B3GALT1: variants seen among roughly 807,000 people sequenced by gnomAD.
The protein encoded by B3GALT1 is UDP-Gal:betaGlcNAc beta 1,3-galactosyltransferase, polypeptide 1.
A neutral mutation model predicts 23.2 loss-of-function variants in B3GALT1; 10 were observed. The ratio of observed to expected loss-of-function variants is 0.43; its 90% CI spans 0.27 to 0.73. The LOEUF (loss-of-function observed/expected upper bound fraction) is 0.73. B3GALT1 is among the 30% of genes least tolerant of loss of function. The probability of loss-of-function intolerance (pLI) is 0.21; values close to 1 mark genes in which losing one functional copy is unlikely to be tolerated. For missense variants in B3GALT1, 299 were observed against 405.4 expected, an observed-to-expected ratio of 0.74 and a Z score of 2.25; for synonymous variants, 156 against 141.5, an observed-to-expected ratio of 1.10 and a Z score of -0.73.
chr2:167,465,322 T>C (rs1699328015), intron 1 of B3GALT1, among the ~76,000 whole-genome samples: 1 of 152,208 alleles, frequency 6.6e-6, no homozygotes, highest in Non-Finnish European at 1.5e-5. Flanking sequence ...ATCAAACATA[T>C]TGTCTCAGTC....
At chr2:167,371,222 C>G (rs10930270) in intron 1 of B3GALT1, among the ~76,000 whole-genome samples, 121,957 of 151,842 alleles carry the variant, frequency 0.8, 50,917 homozygotes, top group East Asian at 0.92. Context: ...TCCCCAATGC[C>G]TTGTCGTACA....
intron 3 of B3GALT1, among the ~76,000 whole-genome samples, chr2:167,736,564 A>C (rs908881412): frequency 5.9e-5 from 9 of 152,130 alleles, no homozygotes; most frequent in African/African-American, 2.2e-4. Context: ...AGGTTGCAAA[A>C]ATTCAGCTAG....
At chr2:167,791,656 T>C (rs1463296609) in intron 3 of B3GALT1, among the ~76,000 whole-genome samples, 1 of 152,190 alleles carries the variant, frequency 6.6e-6, no homozygotes, top group African/African-American at 2.4e-5. Context: ...AATGAATCCA[T>C]TTTGTAAAAT....
chr2:167,755,939 C>T (rs1687808456), intron 3 of B3GALT1, among the ~76,000 whole-genome samples: 1 of 152,030 alleles, frequency 6.6e-6, no homozygotes, highest in African/African-American at 2.4e-5. Context: ...GGAGCCACTG[C>T]ACTCCAGCCT....
chr2:167,794,239 C>T (rs1026102085), intron 3 of B3GALT1, among the ~76,000 whole-genome samples: 5 of 152,158 alleles, frequency 3.3e-5, no homozygotes, highest in Non-Finnish European at 5.9e-5. Context: ...TATTTTTCAG[C>T]TTTATTATCA....
intron 2 of B3GALT1, among the ~76,000 whole-genome samples, chr2:167,536,159 G>A (rs1373481048): frequency 6.6e-5 from 10 of 151,994 alleles, no homozygotes; most frequent in African/African-American, 1.9e-4. Flanking sequence ...CACCTGCGTC[G>A]GCCTCCCAAA....
chr2:167,378,527 C>CT (rs891718171), intron 1 of B3GALT1, among the ~76,000 whole-genome samples: 23 of 150,800 alleles, frequency 1.5e-4, no homozygotes, highest in South Asian at 1.1e-3. Context: ...TTTAAAATTC[C>CT]TTTTTTTTTA....
At chr2:167,627,078 T>C (rs1230265501) in intron 2 of B3GALT1, among the ~76,000 whole-genome samples, 1 of 151,688 alleles carries the variant, frequency 6.6e-6, no homozygotes, top group Admixed American at 6.6e-5. Context: ...GTGCCCAGCA[T>C]AGTGCACTTT....
chr2:167,588,112 G>A (rs1617451), intron 2 of B3GALT1, among the ~76,000 whole-genome samples: 123,013 of 152,118 alleles, frequency 0.81, 49,834 homozygotes, highest in Admixed American at 0.86. Flanking sequence ...CTTGGCTGCC[G>A]TGTATGAAAT....
At chr2:167,444,408 T>G (rs1230399986) in intron 1 of B3GALT1, among the ~76,000 whole-genome samples, 1 of 152,254 alleles carries the variant, frequency 6.6e-6, no homozygotes, top group Non-Finnish European at 1.5e-5. Context: ...GATTCCCTTT[T>G]TTTCTATCGA....
intron 3 of B3GALT1, among the ~76,000 whole-genome samples, chr2:167,660,232 G>A (rs544391934): frequency 5.3e-5 from 8 of 152,124 alleles, no homozygotes; most frequent in African/African-American, 1.7e-4. Flanking sequence ...GCAAACCCTG[G>A]AAGTTATTAT....
At chr2:167,452,201 CAACTTCTGTCTTGAA>C (rs1249853601) in intron 1 of B3GALT1, among the ~76,000 whole-genome samples, 1 of 152,138 alleles carries the variant, frequency 6.6e-6, no homozygotes, top group Non-Finnish European at 1.5e-5. Flanking sequence ...CTCCCTCCCT[CAACTTCTGTCTTGAA>C]AACTTTACAT....
At chr2:167,662,095 T>C (rs1457033970) in intron 3 of B3GALT1, among the ~76,000 whole-genome samples, 1 of 149,216 alleles carries the variant, frequency 6.7e-6, no homozygotes, top group African/African-American at 2.4e-5. Flanking sequence ...AAGCAGCAAG[T>C]TTTTCAGCAA....
intron 1 of B3GALT1, among the ~76,000 whole-genome samples, chr2:167,427,646 C>T (rs1463018607): frequency 6.6e-6 from 1 of 152,190 alleles, no homozygotes; most frequent in South Asian, 2.1e-4. Flanking sequence ...AAGTGATCCT[C>T]CCCTCTCAGC....
chr2:167,765,885 G>A (rs1370416245), intron 3 of B3GALT1, among the ~76,000 whole-genome samples: 1 of 152,060 alleles, frequency 6.6e-6, no homozygotes, highest in African/African-American at 2.4e-5. Context: ...CTCATACCTG[G>A]CTAAGGATCT....
At chr2:167,798,852 C>T (rs989899912) in intron 3 of B3GALT1, among the ~76,000 whole-genome samples, 1 of 152,102 alleles carries the variant, frequency 6.6e-6, no homozygotes, top group Non-Finnish European at 1.5e-5. Flanking sequence ...CTTAAATATG[C>T]CATCGTTATA....
chr2:167,364,388 C>A (rs951209167), intron 1 of B3GALT1, among the ~76,000 whole-genome samples: 1 of 150,660 alleles, frequency 6.6e-6, no homozygotes, highest in Admixed American at 6.6e-5. Flanking sequence ...GGTACATGTG[C>A]ACAACGTGCA....
intron 3 of B3GALT1, among the ~76,000 whole-genome samples, chr2:167,678,404 C>A (rs1179251377): frequency 3.9e-5 from 6 of 152,136 alleles, no homozygotes; most frequent in Non-Finnish European, 5.9e-5. Flanking sequence ...AAAGGTTATT[C>A]AATGACTAGG....
At chr2:167,634,780 G>A (rs1431338136) in intron 2 of B3GALT1, among the ~76,000 whole-genome samples, 1 of 152,072 alleles carries the variant, frequency 6.6e-6, no homozygotes, top group African/African-American at 2.4e-5. Context: ...GGTACAAAGA[G>A]GAGCTGGTAC....
Sources: gnomAD v4.1 joint callset for allele counts (sites outside exome capture counted in the v4.1 genomes callset) on GRCh38, gnomAD v4.1.1 for gene constraint, MANE v1.5 for transcripts, NCBI Gene and HGNC (gene_info 2026-07-23, HGNC 2026-07-21) for gene names.